The following STT3B variants were observed in gnomAD, a reference collection of about 807,000 sequenced individuals.
The protein encoded by STT3B is dolichyl-diphosphooligosaccharide--protein glycosyltransferase subunit STT3B.
In STT3B, 29 loss-of-function variants were observed where a neutral mutation model predicts 96.8. The ratio of observed to expected loss-of-function variants is 0.30; its 90% confidence interval spans 0.22 to 0.41. STT3B has a LOEUF of 0.41. Ranked by LOEUF, STT3B falls within the 10% of genes least tolerant of loss-of-function variation. The pLI is 1.00. For missense variants in STT3B, 640 were observed against 1,022.3 expected (o/e 0.63, Z 5.10); for synonymous variants, 367 against 360.0 (o/e 1.02, Z -0.22).
chr3:31,631,164 A>G (rs1006176631), intron 14 of STT3B, among the ~76,000 whole-genome samples: 2 of 152,202 alleles, frequency 1.3e-5, no homozygotes, highest in Admixed American at 6.5e-5. Flanking sequence ...TGGTTTCAGA[A>G]TAGTTAGCAT....
At chr3:31,562,820 GC>G (rs1265591195) in intron 1 of STT3B, among the ~76,000 whole-genome samples, 1 of 152,158 alleles carries the variant, frequency 6.6e-6, no homozygotes, top group African/African-American at 2.4e-5. Flanking sequence ...GTTTAATGGG[GC>G]CTGTGTTCTC....
chr3:31,621,255 C>G (rs980451655), intron 9 of STT3B, among the ~76,000 whole-genome samples: 7 of 152,090 alleles, frequency 4.6e-5, no homozygotes, highest in African/African-American at 1.7e-4. Flanking sequence ...ATAAGGAATA[C>G]TAATTCTTTA....
chr3:31,629,216 T>TA (rs1699602825), intron 13 of STT3B, 82 bp from the exon 14 acceptor site: 3 of 794,330 alleles, frequency 3.8e-6, no homozygotes, highest in Admixed American at 5.1e-5. Context: ...AGCTTATTCT[T>TA]ACAGGGAAAT....
At chr3:31,550,257 C>T (rs1697519053) in intron 1 of STT3B, among the ~76,000 whole-genome samples, 2 of 152,170 alleles carry the variant, frequency 1.3e-5, no homozygotes, top group South Asian at 4.1e-4. Flanking sequence ...TTGATTTGCA[C>T]ATGCATCTGA....
intron 13 of STT3B, 24 bp downstream of exon 13, chr3:31,626,151 T>C: frequency 6.3e-7 from 1 of 1,599,180 alleles, no homozygotes; most frequent in Admixed American, 1.7e-5. Flanking sequence ...TAATTCCAGG[T>C]ATGTGAAAGA....
intron 5 of STT3B, among the ~76,000 whole-genome samples, chr3:31,607,214 T>G (rs116710900): frequency 0.025 from 3,766 of 152,294 alleles, 63 homozygotes; most frequent in Non-Finnish European, 0.037. Context: ...GTTTTTGTGT[T>G]AATGCTGAAA....
chr3:31,585,630 T>C (rs1698520372), intron 3 of STT3B, among the ~76,000 whole-genome samples: 1 of 152,020 alleles, frequency 6.6e-6, no homozygotes, highest in Admixed American at 6.6e-5. Flanking sequence ...TTGTAGTCAG[T>C]CTTCTCCCTA....
intron 1 of STT3B, among the ~76,000 whole-genome samples, chr3:31,553,860 T>C (rs1697630101): frequency 6.6e-6 from 1 of 152,226 alleles, no homozygotes; most frequent in Non-Finnish European, 1.5e-5. Flanking sequence ...CAAGTTTGCC[T>C]GTGGTTCTTA....
At chr3:31,623,938 A>G in intron 11 of STT3B, 77 bp downstream of exon 11, 1 of 1,238,648 alleles carries the variant, frequency 8.1e-7, no homozygotes, top group Non-Finnish European at 1.1e-6. Flanking sequence ...ATAATTAAAA[A>G]ATAGAATGTT....
At chr3:31,608,503 AAGGATTAGTCCTCC>A (rs1699108969) in intron 5 of STT3B, among the ~76,000 whole-genome samples, 1 of 152,184 alleles carries the variant, frequency 6.6e-6, no homozygotes, top group Non-Finnish European at 1.5e-5. Flanking sequence ...TGTAGTTCAC[AAGGATTAGTCCTCC>A]AGTATCTCCT....
At chr3:31,535,459 C>T (rs57073672) in intron 1 of STT3B, among the ~76,000 whole-genome samples, 8,075 of 151,962 alleles carry the variant, frequency 0.053, 735 homozygotes, top group African/African-American at 0.18. Flanking sequence ...CGCGGTGGCT[C>T]ACGCCTGTAA....
At chr3:31,606,046 G>T (rs1413450315) in intron 5 of STT3B, among the ~76,000 whole-genome samples, 2 of 152,234 alleles carry the variant, frequency 1.3e-5, no homozygotes, top group Non-Finnish European at 2.9e-5. Flanking sequence ...CTGCCCTAGA[G>T]ATTTGTGGAA....
chr3:31,603,521 A>G (rs796736867), intron 5 of STT3B, among the ~76,000 whole-genome samples: 3 of 152,234 alleles, frequency 2.0e-5, no homozygotes, highest in Admixed American at 6.5e-5. Flanking sequence ...TATGTTATGC[A>G]TAGGATTCTA....
intron 9 of STT3B, chr3:31,620,181 A>G (rs1699394016): frequency 8.3e-6 from 2 of 240,056 alleles, no homozygotes; most frequent in Non-Finnish European, 1.6e-5. Context: ...AGGCTGAGGC[A>G]GGATAATTGC....
At chr3:31,560,122 TA>T (rs778867670) in intron 1 of STT3B, among the ~76,000 whole-genome samples, 5 of 152,154 alleles carry the variant, frequency 3.3e-5, no homozygotes, top group Non-Finnish European at 5.9e-5. Flanking sequence ...TTGGGTCTTT[TA>T]TTTTTTTAAT....
At chr3:31,544,055 A>C (rs764988129) in intron 1 of STT3B, among the ~76,000 whole-genome samples, 2 of 152,218 alleles carry the variant, frequency 1.3e-5, no homozygotes, top group African/African-American at 2.4e-5. Context: ...ATACGAAGGA[A>C]TAGTAAGAAT....
At chr3:31,619,652 C>T (rs773971342) in intron 8 of STT3B, 24 bp from the exon 9 acceptor site, 6 of 1,588,838 alleles carry the variant, frequency 3.8e-6, no homozygotes, top group Non-Finnish European at 4.3e-6. Flanking sequence ...TAATTGTAAA[C>T]AATATTAACT....
intron 1 of STT3B, among the ~76,000 whole-genome samples, chr3:31,557,447 T>C (rs1697748207): frequency 1.3e-5 from 2 of 152,178 alleles, no homozygotes; most frequent in Admixed American, 6.5e-5. Flanking sequence ...TCAATCTGTA[T>C]GTATACTGCT....
Position 31,629,294 on chromosome 3 carries a change from G to GT in STT3B, c.2074-3dup, listed in dbSNP as rs751181731. The GT allele has an allele frequency of 6.5e-7, 1 of 1,549,694 alleles. No homozygotes were observed. The highest frequency in any genetic ancestry group is 8.9e-7 in the Non-Finnish European group (1 of 1,125,952). ...ACATAGAACTTGTGGTTTCTTTCTTGTAGGAAAGTGACTATTTTACCCCAC... is the reference window on the plus strand; with the variant it reads ...ACATAGAACTTGTGGTTTCTTTCTTGTTAGGAAAGTGACTATTTTACCCCAC... On this transcript the variant is annotated splice_polypyrimidine_tract_variant and splice_region_variant and intron_variant, in intron 13 of 15. Transcript: ENST00000295770.
Sources: allele counts gnomAD v4.1 joint callset (sites outside exome capture counted in the v4.1 genomes callset), GRCh38; gene constraint gnomAD v4.1.1; transcripts MANE v1.5; gene names NCBI Gene and HGNC (gene_info 2026-07-23, HGNC 2026-07-21).